The following PSIP1 variants were observed in gnomAD, a reference collection of about 807,000 sequenced individuals.
The protein encoded by PSIP1 is PC4 and SRSF1 interacting protein 1, also known as PC4 and SFRS1-interacting protein.
PSIP1 carries 19 observed loss-of-function variants against 74.7 expected under a neutral mutation model. The observed-to-expected ratio is 0.25, with a 90% CI of 0.18 to 0.37. The LOEUF (loss-of-function observed/expected upper bound fraction) is 0.37, where lower values mean the gene tolerates loss of function less well. Ranked by LOEUF, PSIP1 falls within the 10% of genes least tolerant of loss-of-function variation. The pLI, the probability that PSIP1 is intolerant of heterozygous loss-of-function variation, is 1.00. For synonymous variants in PSIP1, 222 were observed against 195.3 expected, an observed-to-expected ratio of 1.14 and a Z score of -1.14; for missense variants, 601 against 614.3, an observed-to-expected ratio of 0.98 and a Z score of 0.23.
intron 14 of PSIP1, 22 bp downstream of exon 14, chr9:15,468,608 T>G: frequency 6.2e-7 from 1 of 1,606,496 alleles, no homozygotes; most frequent in Non-Finnish European, 8.5e-7. Context: ...TGGTGTGAAA[T>G]TGTTGGCTTT....
rs1213906824 is a variant in PSIP1, at chr9:15,474,158, C to T, written c.709G>A (p.Gly237Ser). Residue 237 changes from glycine (G) to serine (S), a missense_variant, in exon 9 of 16, where the codon GGC (glycine) becomes AGC (serine). This residue lies in a region of PSIP1 where 538 missense variants were observed against 507.6 expected (regional missense o/e 1.06). Coordinates refer to ENST00000380733, the MANE Select transcript of PSIP1 (RefSeq NM_033222.5). ...PKKQPKKDEEGQKEEDKPRKE... is the reference protein window; with the variant it reads ...PKKQPKKDEESQKEEDKPRKE... ...CTTGGCTTATCTTCTTCCTTCTGGC[C>T]CTCTTCATCCTTCTTAGGCTGCTTT... is the stretch of plus-strand genomic sequence containing the variant. The T allele has an allele frequency of 6.2e-7, 1 of 1,613,318 alleles. No individual in the cohort carries two copies. The highest frequency in any genetic ancestry group is 8.5e-7 in the Non-Finnish European group (1 of 1,179,802).
At chr9:15,467,769 A>G (rs896962625) in intron 14 of PSIP1, among the ~76,000 whole-genome samples, 2 of 152,224 alleles carry the variant, frequency 1.3e-5, no homozygotes, top group African/African-American at 2.4e-5. Flanking sequence ...AAAGTTAGTG[A>G]AAAAAGTAGA....
chr9:15,490,906 A>C (rs1487864577), intron 3 of PSIP1, among the ~76,000 whole-genome samples: 2 of 152,178 alleles, frequency 1.3e-5, no homozygotes, highest in Non-Finnish European at 2.9e-5. Context: ...AATCAGACAT[A>C]TTATAACCCA....
At chr9:15,499,348 C>G (rs1160375672) in intron 3 of PSIP1, among the ~76,000 whole-genome samples, 1 of 152,174 alleles carries the variant, frequency 6.6e-6, no homozygotes, top group South Asian at 2.1e-4. Flanking sequence ...AAATCATTAA[C>G]TGAATTCAAT....
chr9:15,500,466 G>A (rs1402180676), intron 3 of PSIP1, among the ~76,000 whole-genome samples: 1 of 149,482 alleles, frequency 6.7e-6, no homozygotes, highest in Admixed American at 6.6e-5. Context: ...GCAAGACTCT[G>A]TCTCCAAAAA....
rs1428845026 is a variant in PSIP1 at position 15,470,357 on chromosome 9, T to C, written c.978-364A>G. On this transcript the variant is annotated intron_variant, in intron 10 of 15. Transcript: ENST00000380733. ...TGCATCTTAAAATAGACCAATTTAATCATTGTGCATGTAACAAGCAGATTA... is the reference window on the plus strand; with the variant it reads ...TGCATCTTAAAATAGACCAATTTAACCATTGTGCATGTAACAAGCAGATTA... Among the ~76,000 whole-genome samples, 4 of 152,144 alleles carry C rather than the reference T, an allele frequency of 2.6e-5. No individual in the cohort carries two copies. The South Asian group carries it at 8.3e-4, about 31-fold the overall frequency.
chr9:15,501,708 G>C (rs1301329129), intron 3 of PSIP1, among the ~76,000 whole-genome samples: 1 of 151,878 alleles, frequency 6.6e-6, no homozygotes, highest in Non-Finnish European at 1.5e-5. Flanking sequence ...GAAATGACAT[G>C]ATCTGACTGA....
At chr9:15,478,384 G>T (rs2036188546) in intron 8 of PSIP1, 93 bp downstream of exon 8, 2 of 1,000,908 alleles carry the variant, frequency 2.0e-6, no homozygotes, top group South Asian at 1.7e-5. Flanking sequence ...CAAACATCCT[G>T]TAAGAGAAAA....
intron 11 of PSIP1, 67 bp from the exon 12 acceptor site, chr9:15,469,403 T>C: frequency 1.0e-6 from 1 of 966,918 alleles, no homozygotes; most frequent in Non-Finnish European, 1.6e-6. Flanking sequence ...ATATACAGGC[T>C]AAGTATAATG....
intron 8 of PSIP1, among the ~76,000 whole-genome samples, chr9:15,475,317 T>C (rs2036030373): frequency 6.6e-6 from 1 of 152,202 alleles, no homozygotes; most frequent in Non-Finnish European, 1.5e-5. Flanking sequence ...ATTTGCTTTC[T>C]TCAGGATTTC....
rs552304363 is a variant in PSIP1 at position 15,465,574 on chromosome 9, G to C, written c.1539C>G (p.Ser513=). 18 of 1,581,458 alleles carry C rather than the reference G, an allele frequency of 1.1e-5. No individual in the cohort carries two copies. The African/African-American group carries it at 2.3e-4, about 20-fold the overall frequency. Residue 513 remains serine (S), a synonymous_variant, in exon 16 of 16, where the codon TCC becomes TCG. Transcript: ENST00000380733. ...NHEASTKKKP[S]SEERETEISL... is the part of the protein sequence containing the mutation. ...ATATTTCAGTCTCTCTCTCTTCACT[G>C]GATGGCCTGAAGAAAAGGGGGAAAG...
In PSIP1 at chr9:15,469,035, G is replaced by A. The variant is rs940979141; in HGVS notation, c.1128C>T (p.Ala376=). ...DNLDVNRCIE[A]LDELASLQVT... The stretch of plus-strand genomic sequence containing the variant: ...CCTGAAGTGAAGCAAGTTCATCCAA[G>A]GCCTCAATGCATCTGTTCACATCCT... The change falls in exon 13 of 16, where the codon GCC becomes GCT. Residue 376 remains alanine, a synonymous_variant. Transcript: ENST00000380733. The A allele has an allele frequency of 6.2e-7, 1 of 1,613,602 alleles. No homozygotes were observed. The highest frequency in any genetic ancestry group is 1.3e-5 in the African/African-American group (1 of 74,844).
intron 3 of PSIP1, among the ~76,000 whole-genome samples, chr9:15,495,225 T>G (rs2037020000): frequency 6.6e-6 from 1 of 152,030 alleles, no homozygotes; most frequent in Non-Finnish European, 1.5e-5. Context: ...CCTCAAATAT[T>G]TATTTTTTTT....
chr9:15,489,119 A>C (rs1469308592), intron 4 of PSIP1, among the ~76,000 whole-genome samples: 2 of 152,236 alleles, frequency 1.3e-5, no homozygotes, highest in Non-Finnish European at 2.9e-5. Context: ...AAATTGGATA[A>C]AGGCAAACCA....
At chr9:15,470,862 A>T (rs930575215) in intron 10 of PSIP1, 16 of 1,077,044 alleles carry the variant, frequency 1.5e-5, no homozygotes, top group Non-Finnish European at 1.8e-5. Flanking sequence ...TTCTAGATGA[A>T]TAATGTACAA....
At chr9:15,487,581 G>C (rs143667971) in intron 4 of PSIP1, among the ~76,000 whole-genome samples, 5 of 152,130 alleles carry the variant, frequency 3.3e-5, no homozygotes, top group African/African-American at 1.2e-4. Flanking sequence ...CAACCTGGGC[G>C]ACAGAGCAAG....
At position 15,469,959 on chromosome 9, in the gene PSIP1, T is replaced by G; in HGVS notation, c.1012A>C (p.Lys338Gln). The G allele has an allele frequency of 6.2e-7, 1 of 1,608,180 alleles. No individual in the cohort carries two copies. Among genetic ancestry groups the G allele is most frequent in the Non-Finnish European group, 8.5e-7 (1 of 1,178,218 alleles). Residue 338 changes from lysine to glutamine, a missense_variant, in exon 11 of 16, where the codon AAG (lysine) becomes CAG (glutamine). This residue lies in a region of PSIP1 where 538 missense variants were observed against 507.6 expected (regional missense o/e 1.06). Transcript: ENST00000380733. ...TAACCTCGCTTCTTCTCCACTTTCT[T>G]AACTTCTGGCTTCTTTCCTTCATCT... ...NKDEGKKPEV[K>Q]KVEKKRETSM...
In PSIP1 at chr9:15,464,993, T is replaced by C. The variant is rs1248056282; in HGVS notation, c.*527A>G. 1 of 219,452 alleles carries C rather than the reference T, an allele frequency of 4.6e-6. No individual in the cohort carries two copies. Among genetic ancestry groups the C allele is most frequent in the African/African-American group, 2.2e-5 (1 of 44,572 alleles). The allele number at this position is 219,452 out of a possible 1,614,324, so 13.6% of individuals were successfully genotyped here. On this transcript the variant is annotated 3_prime_UTR_variant, in exon 16 of 16. Transcript: ENST00000380733. Reference sequence around the variant, plus strand: ...CTGGATAATGTAGCACAATGTAGACTGTGAGATTAAAATTAACTTTTGATA... The same window carrying C: ...CTGGATAATGTAGCACAATGTAGACCGTGAGATTAAAATTAACTTTTGATA...
At chr9:15,493,791 G>C (rs2036947475) in intron 3 of PSIP1, among the ~76,000 whole-genome samples, 1 of 152,080 alleles carries the variant, frequency 6.6e-6, no homozygotes, top group Admixed American at 6.5e-5. Flanking sequence ...AACAGCATTT[G>C]GGAAATTGCC....
Sources: gnomAD v4.1 joint callset for allele counts (sites outside exome capture counted in the v4.1 genomes callset) on GRCh38, gnomAD v4.1.1 for gene constraint, gnomAD v4.1.1 regional missense constraint, MANE v1.5 for transcripts, NCBI Gene and HGNC (gene_info 2026-07-23, HGNC 2026-07-21) for gene names.